The following EPM2A variants were observed in gnomAD, a reference collection of about 807,000 sequenced individuals.
EPM2A encodes the protein laforin.
Under a neutral mutation model 26.5 loss-of-function variants are expected in EPM2A, and 21 were observed. The ratio of observed to expected loss-of-function variants is 0.79; its 90% CI spans 0.56 to 1.14. The LOEUF (loss-of-function observed/expected upper bound fraction) is 1.14. Ranked by LOEUF, EPM2A falls within the 50% of genes most tolerant of loss-of-function variation. EPM2A has a pLI of 0.00. For synonymous variants in EPM2A, 217 were observed against 177.6 expected (o/e 1.22, Z -1.76); for missense variants, 458 against 440.8 (o/e 1.04, Z -0.35).
intron 1 of EPM2A, among the ~76,000 whole-genome samples, chr6:145,711,451 T>C (rs957082662): frequency 1.3e-5 from 2 of 152,126 alleles, no homozygotes; most frequent in Non-Finnish European, 2.9e-5. Context: ...ATATATTGAA[T>C]TTAAACTACT....
chr6:145,548,054 C>T (rs1439960559), intron 2 of EPM2A, among the ~76,000 whole-genome samples: 1 of 152,068 alleles, frequency 6.6e-6, no homozygotes, highest in Non-Finnish European at 1.5e-5. Flanking sequence ...TGCTTCGGCT[C>T]CAGATGATTT....
intron 4 of EPM2A, among the ~76,000 whole-genome samples, chr6:145,454,254 A>T (rs948419963): frequency 6.6e-6 from 1 of 152,210 alleles, no homozygotes; most frequent in Non-Finnish European, 1.5e-5. Context: ...GCTGGAAAAA[A>T]TATTTTAAAA....
At chr6:145,388,209 AC>A (rs1228336429) in intron 4 of EPM2A, among the ~76,000 whole-genome samples, 6 of 152,092 alleles carry the variant, frequency 3.9e-5, no homozygotes, top group African/African-American at 1.4e-4. Flanking sequence ...CTCTGTCTAA[AC>A]CCTTCAAAGA....
intron 2 of EPM2A, among the ~76,000 whole-genome samples, chr6:145,659,995 GC>G (rs1458115149): frequency 6.6e-6 from 1 of 152,110 alleles, no homozygotes; most frequent in Non-Finnish European, 1.5e-5. Context: ...GCAGGCTAGG[GC>G]AGGTGGGAGG....
chr6:145,578,143 G>GA (rs1350709611), intron 2 of EPM2A, among the ~76,000 whole-genome samples: 1 of 151,832 alleles, frequency 6.6e-6, no homozygotes, highest in Non-Finnish European at 1.5e-5. Flanking sequence ...TAAAGAACTA[G>GA]AAAATCAAGA....
intron 2 of EPM2A, among the ~76,000 whole-genome samples, chr6:145,532,646 G>A (rs1780374531): frequency 6.6e-6 from 1 of 152,182 alleles, no homozygotes; most frequent in African/African-American, 2.4e-5. Flanking sequence ...TCTGTAAGTG[G>A]CCCGGACCCT....
chr6:145,717,723 T>A (rs1316213621), intron 1 of EPM2A, among the ~76,000 whole-genome samples: 2 of 148,830 alleles, frequency 1.3e-5, no homozygotes, highest in African/African-American at 5.0e-5. Context: ...AAAACACCAT[T>A]GTCTCAGCCC....
At chr6:145,491,338 C>T (rs369391349) in intron 4 of EPM2A, among the ~76,000 whole-genome samples, 33 of 152,154 alleles carry the variant, frequency 2.2e-4, no homozygotes, top group African/African-American at 3.9e-4. Context: ...GGTGAGCGGG[C>T]GCAGGAGTCA....
At chr6:145,445,887 C>T (rs138660254) in intron 4 of EPM2A, among the ~76,000 whole-genome samples, 159 of 152,266 alleles carry the variant, frequency 1.0e-3, no homozygotes, top group African/African-American at 3.7e-3. Flanking sequence ...AGCAAAAAAG[C>T]ACATGTAAAT....
intron 4 of EPM2A, chr6:145,491,807 G>A: frequency 1.9e-6 from 1 of 531,746 alleles, no homozygotes; most frequent in Middle Eastern, 3.3e-4. Flanking sequence ...TTCTTCTCCT[G>A]TATCAATTAT....
At chr6:145,457,701 C>T (rs1779279743) in intron 4 of EPM2A, among the ~76,000 whole-genome samples, 1 of 152,034 alleles carries the variant, frequency 6.6e-6, no homozygotes, top group Non-Finnish European at 1.5e-5. Context: ...CAGAGGCAGT[C>T]AGATGGGTAA....
At chr6:145,495,419 T>G (rs1278091273) in intron 4 of EPM2A, among the ~76,000 whole-genome samples, 4 of 152,096 alleles carry the variant, frequency 2.6e-5, no homozygotes, top group African/African-American at 9.7e-5. Flanking sequence ...GACAACATAC[T>G]GATGGGTCTT....
chr6:145,446,189 G>T (rs545911149), intron 4 of EPM2A, among the ~76,000 whole-genome samples: 5 of 152,252 alleles, frequency 3.3e-5, no homozygotes, highest in African/African-American at 1.2e-4. Context: ...CCATATAAAA[G>T]ACCCTAAGTG....
At chr6:145,416,068 C>T (rs1422751277) in intron 4 of EPM2A, among the ~76,000 whole-genome samples, 1 of 152,146 alleles carries the variant, frequency 6.6e-6, no homozygotes, top group African/African-American at 2.4e-5. Context: ...GATCATGAAA[C>T]CACTGTCTTG....
chr6:145,734,845 G>A (rs1233497192), intron 1 of EPM2A: 1 of 159,248 alleles, frequency 6.3e-6, no homozygotes, highest in Non-Finnish European at 1.4e-5. Flanking sequence ...GGAGCCCCGG[G>A]CGGGAGACGA....
At chr6:145,423,435 G>GA (rs1398635809) in intron 4 of EPM2A, among the ~76,000 whole-genome samples, 1 of 152,110 alleles carries the variant, frequency 6.6e-6, no homozygotes, top group African/African-American at 2.4e-5. Context: ...ATCAACCATG[G>GA]AAAAACTATG....
intron 4 of EPM2A, among the ~76,000 whole-genome samples, chr6:145,484,311 T>C (rs1779647088): frequency 6.6e-6 from 1 of 151,984 alleles, no homozygotes; most frequent in African/African-American, 2.4e-5. Context: ...GGTATACTCA[T>C]GATTTTCTGT....
chr6:145,468,287 T>C (rs927950353), intron 4 of EPM2A, among the ~76,000 whole-genome samples: 3 of 152,172 alleles, frequency 2.0e-5, no homozygotes, highest in African/African-American at 7.2e-5. Context: ...ATACTGTGCA[T>C]GAATAGCAAT....
intron 2 of EPM2A, among the ~76,000 whole-genome samples, chr6:145,672,029 T>C (rs182472437): frequency 1.1e-3 from 172 of 152,310 alleles, no homozygotes; most frequent in African/African-American, 3.8e-3. Flanking sequence ...CAAATATCCA[T>C]TCTTTTGCAT....
Sources: allele counts gnomAD v4.1 joint callset (sites outside exome capture counted in the v4.1 genomes callset), GRCh38; gene constraint gnomAD v4.1.1; transcripts MANE v1.5; gene names NCBI Gene and HGNC (gene_info 2026-07-23, HGNC 2026-07-21).